Variants in NLGN1 observed in about 807,000 individuals in gnomAD.
NLGN1 encodes the protein neuroligin 1, also known as neuroligin-1.
A neutral mutation model predicts 65.5 loss-of-function variants in NLGN1; 12 were observed. That is an observed-to-expected ratio of 0.18 (90% CI 0.12 to 0.30). NLGN1 has a LOEUF of 0.30. Among genes scored for constraint, NLGN1 ranks in the 10% least tolerant of loss-of-function variants. The pLI is 1.00. For synonymous variants in NLGN1, 350 were observed against 359.5 expected, an observed-to-expected ratio of 0.97 and a Z score of 0.30; for missense variants, 750 against 1,007.1, an observed-to-expected ratio of 0.74 and a Z score of 3.46.
At chr3:173,974,523 T>C (rs1054865216) in intron 4 of NLGN1, among the ~76,000 whole-genome samples, 1 of 152,052 alleles carries the variant, frequency 6.6e-6, no homozygotes, top group African/African-American at 2.4e-5. Context: ...TATTTTAGTC[T>C]AGTGGAGAAC....
chr3:174,192,185 A>G (rs891279223), intron 4 of NLGN1, among the ~76,000 whole-genome samples: 7 of 152,190 alleles, frequency 4.6e-5, no homozygotes, highest in African/African-American at 1.4e-4. Flanking sequence ...GTTTGAAGAA[A>G]AAAAAACATA....
chr3:173,422,144 T>TAC (rs141653910), intron 1 of NLGN1, among the ~76,000 whole-genome samples: 2 of 146,708 alleles, frequency 1.4e-5, no homozygotes, highest in East Asian at 3.9e-4. Flanking sequence ...GTACACTATA[T>TAC]ATACACACAC....
At chr3:173,744,980 T>C (rs1775158648) in intron 3 of NLGN1, among the ~76,000 whole-genome samples, 1 of 152,128 alleles carries the variant, frequency 6.6e-6, no homozygotes, top group African/African-American at 2.4e-5. Context: ...AGACCGCCTA[T>C]CTTTCCTTGC....
chr3:173,770,869 A>G (rs1301886074), intron 3 of NLGN1, among the ~76,000 whole-genome samples: 1 of 152,164 alleles, frequency 6.6e-6, no homozygotes, highest in East Asian at 1.9e-4. Context: ...TTTGCCATGA[A>G]GAGGCTTTCA....
chr3:173,453,927 C>T (rs1722077859), intron 2 of NLGN1, among the ~76,000 whole-genome samples: 1 of 152,196 alleles, frequency 6.6e-6, no homozygotes, highest in Admixed American at 6.5e-5. Flanking sequence ...CCAGACCCAT[C>T]AGAATAATCA....
intron 4 of NLGN1, among the ~76,000 whole-genome samples, chr3:174,065,641 A>G (rs918029993): frequency 2.6e-4 from 39 of 151,776 alleles, no homozygotes; most frequent in African/African-American, 9.4e-4. Context: ...CTGGTATACA[A>G]AGTTCCTACT....
chr3:174,127,857 A>G (rs965326720), intron 4 of NLGN1, among the ~76,000 whole-genome samples: 2 of 152,204 alleles, frequency 1.3e-5, no homozygotes, highest in Non-Finnish European at 2.9e-5. Flanking sequence ...TTATAGGGAC[A>G]AGGCAGTTAA....
At chr3:174,131,197 T>C (rs1720107268) in intron 4 of NLGN1, among the ~76,000 whole-genome samples, 1 of 152,154 alleles carries the variant, frequency 6.6e-6, no homozygotes, top group Non-Finnish European at 1.5e-5. Flanking sequence ...ACATGGAAAA[T>C]GAGATTAATA....
At chr3:174,254,593 C>A (rs762157842) in intron 4 of NLGN1, among the ~76,000 whole-genome samples, 3 of 151,934 alleles carry the variant, frequency 2.0e-5, no homozygotes, top group Non-Finnish European at 4.4e-5. Flanking sequence ...ATATTACCTT[C>A]ACTTAGTTAA....
At chr3:173,680,528 CA>C (rs1763813155) in intron 3 of NLGN1, among the ~76,000 whole-genome samples, 1 of 152,056 alleles carries the variant, frequency 6.6e-6, no homozygotes. Context: ...TCTTTGTTAT[CA>C]AGGTGACAAG....
chr3:173,791,886 G>A (rs1560379831), intron 3 of NLGN1, among the ~76,000 whole-genome samples: 1 of 152,090 alleles, frequency 6.6e-6, no homozygotes, highest in Admixed American at 6.6e-5. Flanking sequence ...TGAGGAGTTC[G>A]ATAGTCACTC....
At chr3:173,822,053 G>A (rs1319208565) in intron 4 of NLGN1, among the ~76,000 whole-genome samples, 1 of 152,112 alleles carries the variant, frequency 6.6e-6, no homozygotes, top group African/African-American at 2.4e-5. Flanking sequence ...TGTGAAACAT[G>A]ACAAGTCTTC....
chr3:173,567,882 A>C (rs1361067046), intron 2 of NLGN1, among the ~76,000 whole-genome samples: 2 of 152,112 alleles, frequency 1.3e-5, no homozygotes, highest in African/African-American at 2.4e-5. Flanking sequence ...GAAATCTCTT[A>C]TTGAACATCA....
chr3:174,208,555 T>C (rs1735845644), intron 4 of NLGN1, among the ~76,000 whole-genome samples: 1 of 151,950 alleles, frequency 6.6e-6, no homozygotes, highest in African/African-American at 2.4e-5. Context: ...TGCTCTCTAA[T>C]ATTACTGGTG....
rs3032837 is a variant in NLGN1, at chr3:173,667,239, GCACA to G, written c.493+62174_493+62177del. On this transcript the variant is annotated intron_variant, in intron 3 of 6. Coordinates refer to ENST00000457714, the Ensembl canonical transcript of NLGN1. ...TTGCCATAATGAAACACACGCATATGCACACACACACACACACACACACACACAC... is the reference window on the plus strand; with the variant it reads ...TTGCCATAATGAAACACACGCATATGCACACACACACACACACACACACAC... Among the ~76,000 whole-genome samples the G allele has an allele frequency of 7.7e-3, 1,136 of 147,438 alleles. 5 individuals are homozygous for G. The highest frequency in any genetic ancestry group is 0.021 in the South Asian group (98 of 4,658).
chr3:173,410,118 A>T (rs1712203519), intron 1 of NLGN1, among the ~76,000 whole-genome samples: 1 of 152,158 alleles, frequency 6.6e-6, no homozygotes, highest in South Asian at 2.1e-4. Flanking sequence ...CCTCTCTTTG[A>T]TTTAGTTTTT....
intron 2 of NLGN1, among the ~76,000 whole-genome samples, chr3:173,532,310 C>T (rs1679292884): frequency 6.6e-6 from 1 of 152,120 alleles, no homozygotes; most frequent in Non-Finnish European, 1.5e-5. Context: ...ATTATTTGGT[C>T]TCTTAGGGCA....
At chr3:173,474,995 A>G (rs748697409) in intron 2 of NLGN1, among the ~76,000 whole-genome samples, 1 of 152,066 alleles carries the variant, frequency 6.6e-6, no homozygotes, top group African/African-American at 2.4e-5. Flanking sequence ...CAGAAGTTAT[A>G]CATAACAAGC....
chr3:173,801,965 A>G (rs1715538653), intron 3 of NLGN1, among the ~76,000 whole-genome samples: 2 of 152,102 alleles, frequency 1.3e-5, no homozygotes. Context: ...AGGCTTTGGG[A>G]CTTTTTGAAC....
Sources: gnomAD v4.1 joint callset for allele counts (sites outside exome capture counted in the v4.1 genomes callset) on GRCh38, gnomAD v4.1.1 for gene constraint, MANE v1.5 for transcripts, NCBI Gene and HGNC (gene_info 2026-07-23, HGNC 2026-07-21) for gene names.